Variants in TRIM5 observed in about 807,000 individuals in gnomAD.
TRIM5 encodes tripartite motif containing 5.
A neutral mutation model predicts 35.6 loss-of-function variants in TRIM5; 31 were observed. The observed-to-expected ratio is 0.87, with a 90% CI of 0.65 to 1.18. The LOEUF (loss-of-function observed/expected upper bound fraction) is 1.18. Ranked by LOEUF, TRIM5 falls within the 50% of genes most tolerant of loss-of-function variation. The pLI is 0.00. For synonymous variants in TRIM5, 243 were observed against 215.6 expected, an observed-to-expected ratio of 1.13 and a Z score of -1.11; for missense variants, 609 against 591.6, an observed-to-expected ratio of 1.03 and a Z score of -0.31.
intron 5 of TRIM5, among the ~76,000 whole-genome samples, 168 bp downstream of exon 5, chr11:5,667,521 T>G (rs1038036182): frequency 1.3e-5 from 2 of 152,176 alleles, no homozygotes; most frequent in African/African-American, 4.8e-5. Context: ...TTCTTAATAG[T>G]TATAGAACAT....
the TRIM5 span, among the ~76,000 whole-genome samples, chr11:5,630,294 T>A: frequency 4.5e-4 from 69 of 152,282 alleles, no homozygotes; most frequent in African/African-American, 1.5e-3. Flanking sequence ...GATAACCTTT[T>A]TTTCCCCCAC....
chr11:5,660,466 G>A (rs1002285479), downstream of TRIM5, among the ~76,000 whole-genome samples: 4 of 152,022 alleles, frequency 2.6e-5, no homozygotes, highest in Non-Finnish European at 2.9e-5. Context: ...GTGCCTTCAG[G>A]TTTGATTTTT....
Position 5,664,670 on chromosome 11 carries a change from T to G in TRIM5, c.*139A>C. On this transcript the variant is annotated 3_prime_UTR_variant, in exon 8 of 8. Transcript: ENST00000380034. ...GCACAAGGCAATTATTACATTTTAC[T>G]GATGAGTGAAGGACGTTCAAATAGA... is the stretch of plus-strand genomic sequence containing the variant. The G allele has an allele frequency of 7.0e-7, 1 of 1,422,684 alleles. No homozygotes were observed. The highest frequency in any genetic ancestry group is 9.2e-7 in the Non-Finnish European group (1 of 1,092,796). The allele number at this position is 1,422,684 out of a possible 1,614,324, so 88.1% of individuals were successfully genotyped here.
chr11:5,670,698 A>G (rs1851521977), intron 4 of TRIM5, among the ~76,000 whole-genome samples: 1 of 152,222 alleles, frequency 6.6e-6, no homozygotes, highest in Non-Finnish European at 1.5e-5. Context: ...TAGATTCATC[A>G]GGAGACGACA....
At chr11:5,670,264 G>C (rs1381347806) in intron 4 of TRIM5, among the ~76,000 whole-genome samples, 1 of 134,510 alleles carries the variant, frequency 7.4e-6, no homozygotes, top group African/African-American at 2.9e-5. Context: ...TGCAAGCTCT[G>C]CCTCCTGGGT....
At chr11:5,631,371 T>A in the TRIM5 span, among the ~76,000 whole-genome samples, 1 of 152,200 alleles carries the variant, frequency 6.6e-6, no homozygotes, top group Non-Finnish European at 1.5e-5. Flanking sequence ...GAAAGAGAAC[T>A]CTGAGGGTAT....
At chr11:5,674,874 G>T (rs10742766) in intron 4 of TRIM5, among the ~76,000 whole-genome samples, 79,895 of 152,090 alleles carry the variant, frequency 0.53, 24,375 homozygotes, top group Non-Finnish European at 0.69. Flanking sequence ...TGGAAGAGGG[G>T]TTTCCAGGAG....
chr11:5,662,377 A>T (rs1372411768), downstream of TRIM5, among the ~76,000 whole-genome samples: 1 of 152,232 alleles, frequency 6.6e-6, no homozygotes, highest in East Asian at 1.9e-4. Context: ...TGCAAAAATA[A>T]TTCTCCTCAC....
chr11:5,591,540 G>T, the TRIM5 span, among the ~76,000 whole-genome samples: 1 of 151,908 alleles, frequency 6.6e-6, no homozygotes, highest in African/African-American at 2.4e-5. Context: ...CCCAGCTACT[G>T]GGGAGGCTGA....
At chr11:5,608,129 C>A in the TRIM5 span, among the ~76,000 whole-genome samples, 4,799 of 152,298 alleles carry the variant, frequency 0.032, 115 homozygotes, top group Middle Eastern at 0.13. Flanking sequence ...ACATTACACA[C>A]ACATATGCAC....
At chr11:5,611,403 T>C in the TRIM5 span, 2 of 1,265,614 alleles carry the variant, frequency 1.6e-6, no homozygotes, top group South Asian at 1.4e-5. Flanking sequence ...CATGTGATTC[T>C]CCCTTCTGAT....
At chr11:5,681,691 G>A (rs1434778174) in intron 1 of TRIM5, among the ~76,000 whole-genome samples, 1 of 131,508 alleles carries the variant, frequency 7.6e-6, no homozygotes, top group Non-Finnish European at 1.6e-5. Context: ...CGATTCCTTC[G>A]TTATCTTGTC....
downstream of TRIM5, among the ~76,000 whole-genome samples, chr11:5,660,229 C>G (rs1263293119): frequency 6.6e-6 from 1 of 152,176 alleles, no homozygotes; most frequent in Non-Finnish European, 1.5e-5. Context: ...CCCACCTCAG[C>G]CTCCCAAAGT....
Position 5,663,336 on chromosome 11 carries a change from A to C in TRIM5, c.*1473T>G, listed in dbSNP as rs57900140. ...TGTTTGATAAAGACTAATATGTAGC[A>C]ACACTAGAATTACAATAAAATCCTA... On this transcript the variant is annotated 3_prime_UTR_variant, in exon 8 of 8. Transcript: ENST00000380034. The C allele has an allele frequency of 3.0e-3, 2,878 of 950,110 alleles. 58 individuals are homozygous for C. The East Asian group carries it at 0.072, about 24-fold the overall frequency. 58.9% of individuals were successfully genotyped at this position (950,110 alleles called of 1,614,324 possible).
chr11:5,669,441 G>GT (rs1474239230), intron 4 of TRIM5, among the ~76,000 whole-genome samples: 1 of 151,978 alleles, frequency 6.6e-6, no homozygotes, highest in Non-Finnish European at 1.5e-5. Flanking sequence ...ATACTGTTTT[G>GT]TTTTAGCAGA....
the TRIM5 span, chr11:5,596,878 C>T: frequency 6.2e-7 from 1 of 1,614,004 alleles, no homozygotes. Flanking sequence ...TCTGGAACTT[C>T]TTGGCTTCTC....
chr11:5,652,600 T>C, the TRIM5 span, among the ~76,000 whole-genome samples: 2 of 152,206 alleles, frequency 1.3e-5, no homozygotes, highest in African/African-American at 4.8e-5. Context: ...AGGTAATTGA[T>C]GCCTCCAGCT....
At chr11:5,610,575 A>G in the TRIM5 span, 3 of 1,611,584 alleles carry the variant, frequency 1.9e-6, no homozygotes, top group East Asian at 2.2e-5. Flanking sequence ...AGTAGAAGCC[A>G]TGGCCTCTTT....
intron 1 of TRIM5, among the ~76,000 whole-genome samples, chr11:5,683,741 G>A (rs1852758435): frequency 6.6e-6 from 1 of 152,130 alleles, no homozygotes; most frequent in Non-Finnish European, 1.5e-5. Flanking sequence ...CTAGCTCAGG[G>A]ATTGTAAATG....
Sources: gnomAD v4.1 joint callset for allele counts (sites outside exome capture counted in the v4.1 genomes callset) on GRCh38, gnomAD v4.1.1 for gene constraint, MANE v1.5 for transcripts, NCBI Gene and HGNC (gene_info 2026-07-23, HGNC 2026-07-21) for gene names.